Variants in USP9Y observed in about 807,000 individuals in gnomAD.
USP9Y encodes the protein ubiquitin carboxyl-terminal hydrolase 9Y.
USP9Y carries 41 observed loss-of-function variants against 53.1 expected under a neutral mutation model. That is an observed-to-expected ratio of 0.77 (90% confidence interval 0.60 to 1.00). USP9Y has a LOEUF of 1.00. Ranked by LOEUF, USP9Y falls within the 50% of genes least tolerant of loss-of-function variation. The probability of loss-of-function intolerance (pLI) is 0.00; values close to 1 mark genes in which losing one functional copy is unlikely to be tolerated. For missense variants in USP9Y, 567 were observed against 535.8 expected, an observed-to-expected ratio of 1.06 and a Z score of -0.58; for synonymous variants, 220 against 173.7, an observed-to-expected ratio of 1.27 and a Z score of -2.09.
chrY:12,843,267 G>C, intron 39 of USP9Y, 74 bp downstream of exon 39: 1 of 235,037 alleles, frequency 4.3e-6, no homozygotes, highest in East Asian at 1.1e-4. Context: ...TTTTAATCAA[G>C]TGATTACATG....
intron 29 of USP9Y, 63 bp from the exon 30 acceptor site, chrY:12,811,572 A>G: frequency 8.1e-6 from 3 of 370,833 alleles, no homozygotes; most frequent in Non-Finnish European, 1.2e-5. Flanking sequence ...CTGTTCTCCT[A>G]ACTCCTTGTC....
intron 7 of USP9Y, among the ~76,000 whole-genome samples, chrY:12,735,263 T>C (rs2053450520): frequency 3.1e-5 from 1 of 32,695 alleles, no homozygotes; most frequent in Admixed American, 2.9e-4. Context: ...TTAATTCATA[T>C]TGCATCTTAA....
chrY:12,753,817 A>G, intron 12 of USP9Y, among the ~76,000 whole-genome samples: 1 of 33,473 alleles, frequency 3.0e-5, no homozygotes, highest in African/African-American at 1.2e-4. Context: ...TCACTGCGCT[A>G]GAAGTTTAAT....
intron 6 of USP9Y, among the ~76,000 whole-genome samples, chrY:12,726,237 A>G: frequency 3.0e-5 from 1 of 33,484 alleles, no homozygotes; most frequent in African/African-American, 1.2e-4. Context: ...TGAGATGTTG[A>G]TAACAAAACT....
At chrY:12,706,517 C>T in intron 1 of USP9Y, among the ~76,000 whole-genome samples, 1 of 32,643 alleles carries the variant, frequency 3.1e-5, no homozygotes, top group Non-Finnish European at 7.5e-5. Flanking sequence ...TATGTGGGAT[C>T]AGGAGCCCCC....
At chrY:12,799,941 CTTGCA>C (rs2053517359) in intron 27 of USP9Y, among the ~76,000 whole-genome samples, 1 of 33,398 alleles carries the variant, frequency 3.0e-5, no homozygotes. Flanking sequence ...GTTAAATAAT[CTTGCA>C]ACTGCACACC....
chrY:12,834,893 G>T, intron 34 of USP9Y, among the ~76,000 whole-genome samples: 4 of 33,601 alleles, frequency 1.2e-4, no homozygotes, highest in Non-Finnish European at 2.9e-4. Flanking sequence ...TACTATTCTT[G>T]AGAAGTGTTA....
At chrY:12,842,990 C>A in intron 38 of USP9Y, 74 bp from the exon 39 acceptor site, 1 of 346,534 alleles carries the variant, frequency 2.9e-6, no homozygotes, top group Non-Finnish European at 4.1e-6. Flanking sequence ...CGTATAGGAA[C>A]ATAACCTTTT....
intron 20 of USP9Y, 33 bp from the exon 21 acceptor site, chrY:12,778,573 T>G: frequency 2.5e-6 from 1 of 395,408 alleles, no homozygotes; most frequent in African/African-American, 6.1e-5. Flanking sequence ...TGTTTTGCCT[T>G]GTCTTTGCTA....
intron 3 of USP9Y, among the ~76,000 whole-genome samples, chrY:12,712,805 A>G (rs2053426145): frequency 3.1e-5 from 1 of 32,582 alleles, no homozygotes; most frequent in Non-Finnish European, 7.5e-5. Context: ...AAGCTTATTA[A>G]TCATAGGCTT....
intron 26 of USP9Y, 101 bp downstream of exon 26, chrY:12,791,725 G>T: frequency 5.8e-6 from 1 of 171,424 alleles, no homozygotes; most frequent in Admixed American, 1.4e-4. Flanking sequence ...CAAGTCGCTT[G>T]TATCTAATGG....
intron 15 of USP9Y, among the ~76,000 whole-genome samples, chrY:12,767,362 T>C (rs761983826): frequency 6.9e-4 from 23 of 33,268 alleles, no homozygotes; most frequent in African/African-American, 2.7e-3. Flanking sequence ...GGTTTGCATC[T>C]TTTCCTATAA....
intron 3 of USP9Y, among the ~76,000 whole-genome samples, chrY:12,712,735 G>A (rs898758785): frequency 3.0e-5 from 1 of 33,003 alleles, no homozygotes; most frequent in Non-Finnish European, 7.5e-5. Context: ...TTGTTACTGT[G>A]TCCATTTTTT....
intron 42 of USP9Y, among the ~76,000 whole-genome samples, 199 bp from the exon 43 acceptor site, chrY:12,856,141 A>G: frequency 3.1e-5 from 1 of 32,759 alleles, no homozygotes; most frequent in African/African-American, 1.2e-4. Flanking sequence ...TTGGCAAGCT[A>G]TTTGTGCTGT....
At chrY:12,703,161 G>A in intron 1 of USP9Y, among the ~76,000 whole-genome samples, 1 of 32,680 alleles carries the variant, frequency 3.1e-5, no homozygotes, top group Non-Finnish European at 7.5e-5. Context: ...CCAGGTTCAC[G>A]CCATTATCCT....
rs760451207 is a variant in USP9Y at position 12,825,536 on chromosome Y, A to G, written c.5021+6926A>G. On this transcript the variant is annotated intron_variant, in intron 33 of 45. Transcript: ENST00000338981. ...ATGAAAAGGAACCAGACCTGCCTGG[A>G]AAGTTGGTGTGTTCCCAGGCAGGAG... is the stretch of plus-strand genomic sequence containing the variant. Among the ~76,000 whole-genome samples, 5 of 32,654 alleles carry G rather than the reference A, an allele frequency of 1.5e-4. No homozygotes were observed. In the East Asian group the frequency reaches 3.2e-3, roughly 21 times the overall value. 87.6% of individuals were successfully genotyped at this position (32,654 alleles called of 37,273 possible). A position where few individuals can be genotyped will look rare whatever the true frequency, so the allele number is the denominator to read the frequency against.
intron 22 of USP9Y, among the ~76,000 whole-genome samples, chrY:12,781,405 C>G: frequency 3.0e-5 from 1 of 33,365 alleles, no homozygotes; most frequent in Admixed American, 2.7e-4. Flanking sequence ...GCTAACTGAT[C>G]AGGGTGATGG....
Position 12,771,075 on chromosome Y carries a change from A to G in USP9Y, c.1908A>G (p.Glu636=). 3 of 394,137 alleles carry G rather than the reference A, an allele frequency of 7.6e-6. No homozygotes were observed. The highest frequency in any genetic ancestry group is 1.1e-5 in the Non-Finnish European group (3 of 279,754). Residue 636 remains glutamate, a synonymous_variant, in exon 16 of 46, where the codon GAA becomes GAG. Coordinates refer to ENST00000338981, the MANE Select transcript of USP9Y (RefSeq NM_004654.4). The part of the protein sequence containing the change: ...NSIRLYAGDH[E]DYDPQTVRLG... ...ATTTTGGTTTATTTGCAGATCATGA[A>G]GACTATGATCCACAAACAGTGAGGC... is the stretch of plus-strand genomic sequence containing the variant.
chrY:12,803,013 G>T (rs2053520744), intron 27 of USP9Y: 1 of 32,374 alleles, frequency 3.1e-5, no homozygotes, highest in Non-Finnish European at 7.5e-5. Flanking sequence ...CTCCCAAAGT[G>T]CTGGGATTAC....
Sources: gnomAD v4.1 joint callset for allele counts (sites outside exome capture counted in the v4.1 genomes callset) on GRCh38, gnomAD v4.1.1 for gene constraint, MANE v1.5 for transcripts, NCBI Gene and HGNC (gene_info 2026-07-23, HGNC 2026-07-21) for gene names.